Variants in PTPRM observed in about 807,000 individuals in gnomAD.
The protein encoded by PTPRM is protein tyrosine phosphatase receptor type M, also known as receptor-type tyrosine-protein phosphatase mu.
PTPRM carries 47 observed loss-of-function variants against 186.7 expected under a neutral mutation model. That is an observed-to-expected ratio of 0.25 (90% CI 0.20 to 0.32). The LOEUF (loss-of-function observed/expected upper bound fraction) is 0.32, where lower values mean the gene tolerates loss of function less well. Ranked by LOEUF, PTPRM falls within the 10% of genes least tolerant of loss-of-function variation. PTPRM has a pLI of 1.00. For missense variants in PTPRM, 1,494 were observed against 1,865.0 expected (o/e 0.80, Z 3.66); for synonymous variants, 668 against 674.9 (o/e 0.99, Z 0.16).
chr18:7,978,215 A>G (rs977047559), intron 7 of PTPRM, among the ~76,000 whole-genome samples: 3 of 152,178 alleles, frequency 2.0e-5, no homozygotes, highest in African/African-American at 7.2e-5. Flanking sequence ...TCACTTCAAG[A>G]CAGAGCCAGA....
chr18:8,130,865 A>G (rs200030574), intron 13 of PTPRM, among the ~76,000 whole-genome samples: 1 of 152,198 alleles, frequency 6.6e-6, no homozygotes, highest in East Asian at 1.9e-4. Context: ...TGATCTCTCA[A>G]CATCTCAGCT....
intron 27 of PTPRM, 60 bp downstream of exon 27, chr18:8,378,474 A>G: frequency 6.3e-7 from 1 of 1,577,066 alleles, no homozygotes; most frequent in Non-Finnish European, 8.7e-7. Flanking sequence ...AAGGATTTCA[A>G]GGTCAGCACC....
intron 4 of PTPRM, among the ~76,000 whole-genome samples, chr18:7,925,340 A>G (rs372481139): frequency 6.6e-6 from 1 of 152,210 alleles, no homozygotes; most frequent in Non-Finnish European, 1.5e-5. Flanking sequence ...CATGCTGAGC[A>G]TCATGAATAC....
At chr18:7,906,342 A>G (rs538573376) in intron 3 of PTPRM, among the ~76,000 whole-genome samples, 163 bp from the exon 4 acceptor site, 10 of 152,162 alleles carry the variant, frequency 6.6e-5, no homozygotes, top group Non-Finnish European at 1.3e-4. Context: ...GGTCTTGCCT[A>G]TCTTTGTAGT....
chr18:8,016,530 C>CA (rs563624187), intron 7 of PTPRM, among the ~76,000 whole-genome samples: 14,658 of 69,656 alleles, frequency 0.21, 922 homozygotes, highest in Middle Eastern at 0.42. Flanking sequence ...AAGAGTCTGT[C>CA]AAAAAAAAAA....
chr18:8,162,721 G>T (rs1480431314), intron 14 of PTPRM, among the ~76,000 whole-genome samples: 1 of 152,192 alleles, frequency 6.6e-6, no homozygotes, highest in African/African-American at 2.4e-5. Context: ...ATTTATCTGA[G>T]AATAAGTACA....
At chr18:8,005,786 G>A (rs781025308) in intron 7 of PTPRM, among the ~76,000 whole-genome samples, 2 of 152,098 alleles carry the variant, frequency 1.3e-5, no homozygotes, top group Non-Finnish European at 2.9e-5. Flanking sequence ...TTACACAGCT[G>A]ACACTCATTT....
chr18:7,661,212 T>C (rs1266461764), intron 1 of PTPRM, among the ~76,000 whole-genome samples: 1 of 152,202 alleles, frequency 6.6e-6, no homozygotes, highest in Admixed American at 6.5e-5. Context: ...TCTTTATTGG[T>C]CTTTCTAACA....
At chr18:8,378,242 A>G (rs141625963) in intron 26 of PTPRM, 23 bp from the exon 27 acceptor site, 2 of 1,594,622 alleles carry the variant, frequency 1.3e-6, no homozygotes, top group African/African-American at 2.7e-5. Flanking sequence ...AAAGTTAGTA[A>G]CTCGTTCCAT....
chr18:8,292,173 C>A (rs1294724800), intron 19 of PTPRM, among the ~76,000 whole-genome samples: 1 of 152,070 alleles, frequency 6.6e-6, no homozygotes, highest in Non-Finnish European at 1.5e-5. Context: ...TATTTTCTAA[C>A]TAAAAATTTA....
chr18:7,620,318 A>G (rs1421036039), intron 1 of PTPRM, among the ~76,000 whole-genome samples: 1 of 150,780 alleles, frequency 6.6e-6, no homozygotes, highest in Admixed American at 6.6e-5. Context: ...GTCTGTTTCT[A>G]TCCTTTGCAT....
intron 1 of PTPRM, among the ~76,000 whole-genome samples, chr18:7,625,981 A>G (rs1429427526): frequency 6.6e-6 from 1 of 152,186 alleles, no homozygotes; most frequent in African/African-American, 2.4e-5. Flanking sequence ...TCCAGCTGAA[A>G]CAGCCGTTTC....
In PTPRM at chr18:7,708,795, T is replaced by C. The variant is rs546054282; in HGVS notation, c.74-65354T>C. 2.6e-5 allele frequency among the ~76,000 whole-genome samples: 4 copies of C among 152,270 alleles called. No individual in the cohort carries two copies. In the East Asian group the frequency reaches 7.7e-4, roughly 29 times the overall value. ...TATGAATACTGTGACGGTTATGATG[T>C]ACCTACAATAGAAACAATAGAAAAT... On this transcript the variant is annotated intron_variant, in intron 1 of 32. Coordinates refer to ENST00000580170, the MANE Select transcript of PTPRM (RefSeq NM_001105244.2).
chr18:8,339,391 C>A (rs2095460542), intron 22 of PTPRM, among the ~76,000 whole-genome samples: 1 of 152,216 alleles, frequency 6.6e-6, no homozygotes, highest in Non-Finnish European at 1.5e-5. Flanking sequence ...AACCGTGTTG[C>A]CTATTGTGCA....
chr18:7,763,507 G>A (rs981790232), intron 1 of PTPRM, among the ~76,000 whole-genome samples: 4 of 152,192 alleles, frequency 2.6e-5, no homozygotes, highest in African/African-American at 7.2e-5. Flanking sequence ...CAAGACACAT[G>A]TAACTGATCC....
At chr18:8,186,723 C>T (rs927297583) in intron 14 of PTPRM, among the ~76,000 whole-genome samples, 3 of 152,182 alleles carry the variant, frequency 2.0e-5, no homozygotes, top group Admixed American at 6.5e-5. Flanking sequence ...AGGCACAGCG[C>T]AAGGTGACAT....
intron 1 of PTPRM, among the ~76,000 whole-genome samples, chr18:7,702,877 G>T (rs1191189668): frequency 6.6e-6 from 1 of 151,934 alleles, no homozygotes; most frequent in East Asian, 1.9e-4. Context: ...TTAATAAGGT[G>T]TAAGGAAGGG....
At chr18:7,925,755 A>G (rs28755923) in intron 4 of PTPRM, among the ~76,000 whole-genome samples, 128,223 of 152,180 alleles carry the variant, frequency 0.84, 54,754 homozygotes, top group East Asian at 0.96. Context: ...TATAATAAGG[A>G]AATGTTTTCC....
intron 1 of PTPRM, among the ~76,000 whole-genome samples, chr18:7,750,602 C>G (rs563647470): frequency 6.6e-6 from 1 of 152,290 alleles, no homozygotes; most frequent in South Asian, 2.1e-4. Context: ...ATCTGACATT[C>G]TTACCTCTCT....
Sources: allele counts gnomAD v4.1 joint callset (sites outside exome capture counted in the v4.1 genomes callset), GRCh38; gene constraint gnomAD v4.1.1; transcripts MANE v1.5; gene names NCBI Gene and HGNC (gene_info 2026-07-23, HGNC 2026-07-21).